OPCML: variants seen among roughly 807,000 people sequenced by gnomAD.
OPCML encodes opioid-binding protein/cell adhesion molecule.
OPCML carries 13 observed loss-of-function variants against 37.8 expected under a neutral mutation model. The ratio of observed to expected loss-of-function variants is 0.34; its 90% CI spans 0.22 to 0.55. OPCML has a LOEUF of 0.55. Among genes scored for constraint, OPCML ranks in the 20% least tolerant of loss-of-function variants. The pLI, the probability that OPCML is intolerant of heterozygous loss-of-function variation, is 0.91. For missense variants in OPCML, 341 were observed against 435.6 expected (o/e 0.78, Z 1.93); for synonymous variants, 176 against 168.8 (o/e 1.04, Z -0.33).
chr11:133,227,503 T>C (rs111767510), intron 1 of OPCML, among the ~76,000 whole-genome samples: 26 of 152,232 alleles, frequency 1.7e-4, no homozygotes, highest in Middle Eastern at 6.8e-3. Context: ...CTGACTTGAA[T>C]TGGGGAGGTG....
intron 1 of OPCML, among the ~76,000 whole-genome samples, chr11:133,429,686 G>T (rs1291780756): frequency 6.6e-6 from 1 of 152,120 alleles, no homozygotes; most frequent in Non-Finnish European, 1.5e-5. Flanking sequence ...AAAAAGAGAA[G>T]GGTCAAGAGT....
At chr11:133,490,998 C>T (rs1947642053) in intron 1 of OPCML, among the ~76,000 whole-genome samples, 1 of 152,184 alleles carries the variant, frequency 6.6e-6, no homozygotes, top group African/African-American at 2.4e-5. Context: ...TGCTATATCC[C>T]CTGTACCTAG....
At chr11:132,738,038 C>A (rs187474698) in intron 2 of OPCML, among the ~76,000 whole-genome samples, 49 of 152,298 alleles carry the variant, frequency 3.2e-4, no homozygotes, top group African/African-American at 1.1e-3. Context: ...TAGCTCTCCC[C>A]CTGTAGGACA....
chr11:132,533,018 A>G (rs896514250), intron 3 of OPCML, among the ~76,000 whole-genome samples: 3 of 152,204 alleles, frequency 2.0e-5, no homozygotes, highest in Admixed American at 6.5e-5. Context: ...TAGCAAATGA[A>G]TCTATACATA....
At chr11:132,421,743 C>T (rs1010472624) in intron 7 of OPCML, among the ~76,000 whole-genome samples, 5 of 152,158 alleles carry the variant, frequency 3.3e-5, no homozygotes, top group African/African-American at 1.2e-4. Context: ...GTTGTAGCGA[C>T]ATGTTAATGT....
At chr11:133,087,189 C>G (rs1948829933) in intron 1 of OPCML, among the ~76,000 whole-genome samples, 1 of 152,188 alleles carries the variant, frequency 6.6e-6, no homozygotes, top group Non-Finnish European at 1.5e-5. Context: ...TGCTTAGGCT[C>G]TTTCAACATT....
intron 1 of OPCML, among the ~76,000 whole-genome samples, chr11:133,398,953 GAAACA>G (rs541095340): frequency 6.6e-6 from 1 of 152,144 alleles, no homozygotes; most frequent in African/African-American, 2.4e-5. Context: ...GATATCTGCA[GAAACA>G]AAACAAAACA....
intron 1 of OPCML, among the ~76,000 whole-genome samples, chr11:133,289,500 C>T (rs928405686): frequency 6.9e-6 from 1 of 144,750 alleles, no homozygotes; most frequent in South Asian, 2.2e-4. Context: ...GAGGCTGAGG[C>T]AGGAGAATGG....
intron 3 of OPCML, among the ~76,000 whole-genome samples, chr11:132,549,562 T>A (rs2096376755): frequency 6.6e-6 from 1 of 152,194 alleles, no homozygotes; most frequent in Admixed American, 6.5e-5. Context: ...TGGGAGTCCT[T>A]GGGAAGGCTT....
chr11:132,982,442 A>G (rs76668156), intron 1 of OPCML, among the ~76,000 whole-genome samples: 1 of 152,040 alleles, frequency 6.6e-6, no homozygotes, highest in African/African-American at 2.4e-5. Flanking sequence ...AGAAATCTTC[A>G]TAATTCCTTC....
Position 133,490,876 on chromosome 11 carries a change from C to G in OPCML, c.61+41388G>C, listed in dbSNP as rs938252232. 4.6e-5 allele frequency among the ~76,000 whole-genome samples: 7 copies of G among 152,214 alleles called. 1 individual carries two copies. The highest frequency in any genetic ancestry group is 3.9e-4 in the Admixed American group (6 of 15,274). On this transcript the variant is annotated intron_variant, in intron 1 of 7. Transcript: ENST00000524381. The stretch of plus-strand genomic sequence containing the variant: ...ACCCTAGGCCCCCGTCAACGTTATG[C>G]TGTTCCATAACTCTTATCCCCTTAT...
intron 2 of OPCML, among the ~76,000 whole-genome samples, chr11:132,789,767 A>G (rs1279243291): frequency 6.6e-6 from 1 of 152,220 alleles, no homozygotes; most frequent in Non-Finnish European, 1.5e-5. Flanking sequence ...TTCAAAGCAA[A>G]GCTCGCTGCC....
At chr11:132,521,993 C>A (rs1328344701) in intron 4 of OPCML, among the ~76,000 whole-genome samples, 2 of 152,272 alleles carry the variant, frequency 1.3e-5, no homozygotes, top group East Asian at 3.9e-4. Context: ...TTTCCTTTTG[C>A]CACTCTCACC....
chr11:133,151,259 C>T (rs1023490900), intron 1 of OPCML, among the ~76,000 whole-genome samples: 5 of 151,688 alleles, frequency 3.3e-5, no homozygotes, highest in Non-Finnish European at 5.9e-5. Flanking sequence ...GGCAACAGAG[C>T]GAGACTCTGT....
At chr11:132,898,854 C>T (rs933666260) in intron 2 of OPCML, among the ~76,000 whole-genome samples, 1 of 150,600 alleles carries the variant, frequency 6.6e-6, no homozygotes, top group African/African-American at 2.5e-5. Flanking sequence ...CCCACCCCCG[C>T]AGCCACTTTG....
At chr11:132,875,464 A>ATTT (rs564416726) in intron 2 of OPCML, among the ~76,000 whole-genome samples, 7,311 of 138,720 alleles carry the variant, frequency 0.053, 287 homozygotes, top group South Asian at 0.17. Flanking sequence ...TACCCATCTA[A>ATTT]TTTTTTTTTT....
intron 1 of OPCML, among the ~76,000 whole-genome samples, chr11:133,359,822 C>T (rs916081502): frequency 1.3e-5 from 2 of 152,062 alleles, no homozygotes; most frequent in Non-Finnish European, 2.9e-5. Flanking sequence ...CTCAATTATT[C>T]GCCAATATAA....
At chr11:133,131,392 T>C (rs1449264323) in intron 1 of OPCML, among the ~76,000 whole-genome samples, 1 of 152,168 alleles carries the variant, frequency 6.6e-6, no homozygotes, top group East Asian at 1.9e-4. Flanking sequence ...GAGTATAACA[T>C]AGGAGAAAAT....
chr11:132,556,034 G>A (rs1052929601), intron 3 of OPCML, among the ~76,000 whole-genome samples: 1 of 152,070 alleles, frequency 6.6e-6, no homozygotes, highest in Non-Finnish European at 1.5e-5. Flanking sequence ...GACCTCCTGG[G>A]CTCAAGTAAT....
Sources: allele counts gnomAD v4.1 joint callset (sites outside exome capture counted in the v4.1 genomes callset), GRCh38; gene constraint gnomAD v4.1.1; transcripts MANE v1.5; gene names NCBI Gene and HGNC (gene_info 2026-07-23, HGNC 2026-07-21).